DNAAF4: variants seen among roughly 807,000 people sequenced by gnomAD.
DNAAF4 encodes dynein axonemal assembly factor 4, also known as dynein assembly factor 4, axonemal.
DNAAF4 carries 43 observed loss-of-function variants against 51.8 expected under a neutral mutation model. That is an observed-to-expected ratio of 0.83 (90% CI 0.65 to 1.07). The LOEUF (loss-of-function observed/expected upper bound fraction) is 1.07. DNAAF4 is among the 50% of genes least tolerant of loss of function. The pLI, the probability that DNAAF4 is intolerant of heterozygous loss-of-function variation, is 0.00. For synonymous variants in DNAAF4, 194 were observed against 165.6 expected (o/e 1.17, Z -1.32); for missense variants, 581 against 493.0 (o/e 1.18, Z -1.69).
At chr15:55,494,067 T>A (rs963777598) in intron 3 of DNAAF4, among the ~76,000 whole-genome samples, 27 of 151,762 alleles carry the variant, frequency 1.8e-4, no homozygotes, top group Admixed American at 1.3e-4. Context: ...TTCGCTCTTG[T>A]TGCCCAGGCT....
In DNAAF4 at chr15:55,477,804, C is replaced by T. The variant is rs563818474; in HGVS notation, c.406-10643G>A. 3.0e-3 allele frequency among the ~76,000 whole-genome samples: 461 copies of T among 151,802 alleles called. 2 individuals are homozygous for T. Among genetic ancestry groups the T allele is most frequent in the Admixed American group, 0.01 (156 of 15,234 alleles). On this transcript the variant is annotated intron_variant, in intron 4 of 9. Transcript: ENST00000321149. ...TCCTAGCTGGGTGTGGCAGCTCACA[C>T]CTATAAATCCCAGCACTTCAGGAGG...
At chr15:55,449,940 C>A (rs1041679626) in intron 6 of DNAAF4, among the ~76,000 whole-genome samples, 6 of 151,834 alleles carry the variant, frequency 4.0e-5, no homozygotes, top group African/African-American at 4.8e-5. Flanking sequence ...CTCAAGTGAT[C>A]CACCCATCTC....
At chr15:55,496,589 A>C (rs1028640731) in intron 3 of DNAAF4, among the ~76,000 whole-genome samples, 4 of 152,210 alleles carry the variant, frequency 2.6e-5, no homozygotes, top group Admixed American at 2.0e-4. Context: ...ACGCAAAGTT[A>C]AGTACTCAAT....
chr15:55,423,677 G>T (rs937360908), intron 7 of DNAAF4, among the ~76,000 whole-genome samples: 9 of 152,202 alleles, frequency 5.9e-5, no homozygotes, highest in Non-Finnish European at 1.0e-4. Flanking sequence ...AGTAAAGCCA[G>T]CGCGGTGGCT....
At chr15:55,498,120 T>A (rs971555424) in intron 2 of DNAAF4, 87 bp downstream of exon 2, 2 of 1,596,956 alleles carry the variant, frequency 1.3e-6, no homozygotes, top group African/African-American at 2.7e-5. Context: ...TCGGCAAAGA[T>A]GAGCCTGTTG....
At chr15:55,460,936 T>C (rs2058086414) in intron 5 of DNAAF4, among the ~76,000 whole-genome samples, 1 of 151,932 alleles carries the variant, frequency 6.6e-6, no homozygotes, top group Non-Finnish European at 1.5e-5. Flanking sequence ...GCCTAATTTT[T>C]GTATTTTTAG....
At chr15:55,491,748 T>C (rs8027062) in intron 3 of DNAAF4, among the ~76,000 whole-genome samples, 2,172 of 141,678 alleles carry the variant, frequency 0.015, 65 homozygotes, top group African/African-American at 0.054. Context: ...TATAATATTA[T>C]ATTATAATAG....
intron 8 of DNAAF4, 115 bp from the exon 9 acceptor site, chr15:55,432,717 A>ACC: frequency 1.3e-6 from 1 of 787,296 alleles, no homozygotes; most frequent in South Asian, 2.2e-5. Context: ...AGGCCGAGGT[A>ACC]GGTGGATCAC....
chr15:55,483,821 C>A (rs2058445317), intron 4 of DNAAF4, among the ~76,000 whole-genome samples: 1 of 133,786 alleles, frequency 7.5e-6, no homozygotes, highest in African/African-American at 2.8e-5. Flanking sequence ...CCATCACACC[C>A]AGCCAATAAA....
rs182748233 is a variant in DNAAF4 at position 55,471,216 on chromosome 15, G to C, written c.406-4055C>G. 3.9e-5 allele frequency among the ~76,000 whole-genome samples: 6 copies of C among 152,236 alleles called. No homozygotes were observed. The East Asian group carries it at 1.2e-3, about 29-fold the overall frequency. On this transcript the variant is annotated intron_variant, in intron 4 of 9. Coordinates refer to ENST00000321149, the MANE Select transcript of DNAAF4 (RefSeq NM_130810.4). Reference sequence around the variant, plus strand: ...TATCAAAATGATGGGGAGGGGTGCTGCAAGTTCCAGACAACTAGTCATAGC... The same window carrying C: ...TATCAAAATGATGGGGAGGGGTGCTCCAAGTTCCAGACAACTAGTCATAGC...
intron 7 of DNAAF4, among the ~76,000 whole-genome samples, chr15:55,418,922 CTT>C (rs1555412315): frequency 1.7e-4 from 2 of 11,596 alleles, no homozygotes; most frequent in African/African-American, 3.4e-4. Context: ...CAATTTCACA[CTT>C]TTTTTTTTTT....
chr15:55,504,603 T>C (rs2058716853), intron 1 of DNAAF4, among the ~76,000 whole-genome samples: 1 of 152,134 alleles, frequency 6.6e-6, no homozygotes, highest in Admixed American at 6.6e-5. Context: ...AACAGAGGCC[T>C]CAGAAATAAC....
In DNAAF4 at chr15:55,439,483, C is replaced by A; in HGVS notation, c.882G>T (p.Lys294Asn). 6.2e-7 allele frequency: 1 copy of A among 1,613,544 alleles called. No individual in the cohort carries two copies. The change falls in exon 7 of 10, where the codon AAG becomes AAT. Residue 294 changes from lysine (K) to asparagine (N), a missense_variant. By Grantham distance (94) the Lys-to-Asn change is moderately conservative. Transcript: ENST00000321149. The stretch of plus-strand genomic sequence containing the variant: ...TTCAAACAACTTACTTTCCTTTATC[C>A]TTCAACCATTCTGGGTTCTTTTCTT... ...KEEEKNPEWL[K>N]DKGNKLFATE...
rs994310787 is a variant in DNAAF4, at chr15:55,450,274, G to C, written c.731C>G (p.Pro244Arg). 2 of 1,614,040 alleles carry C rather than the reference G, an allele frequency of 1.2e-6. No homozygotes were observed. Among genetic ancestry groups the C allele is most frequent in the Non-Finnish European group, 1.7e-6 (2 of 1,180,002 alleles). Residue 244 changes from proline (P) to arginine (R), a missense_variant, in exon 6 of 10, where the codon CCT becomes CGT. Transcript: ENST00000321149. ...SVGSIKINFT[P>R]RVFPTALRES... The stretch of plus-strand genomic sequence containing the variant: ...ACGAAGAGCTGTTGGGAATACTCGA[G>C]GGGTAAAGTTGATTTTAATACTGCC...
chr15:55,493,225 TAA>T (rs1209649142), intron 3 of DNAAF4, among the ~76,000 whole-genome samples: 1 of 152,134 alleles, frequency 6.6e-6, no homozygotes, highest in Non-Finnish European at 1.5e-5. Context: ...GTGTGAGAAA[TAA>T]AGTTCTGTTG....
At chr15:55,431,474 C>CTTTTTT (rs55839604) in intron 9 of DNAAF4, among the ~76,000 whole-genome samples, 1 of 134,914 alleles carries the variant, frequency 7.4e-6, no homozygotes, top group South Asian at 2.4e-4. Context: ...TATATTTTAT[C>CTTTTTT]TTTTTTTTTT....
intron 4 of DNAAF4, among the ~76,000 whole-genome samples, chr15:55,479,475 T>C (rs1286437282): frequency 2.0e-5 from 3 of 152,076 alleles, no homozygotes; most frequent in African/African-American, 7.2e-5. Context: ...ACAAACTGAT[T>C]GTAAAACATG....
chr15:55,439,453 C>A lies in DNAAF4; in HGVS notation c.893+19G>T, dbSNP rs767737350. ...CTTCATACATGATAAAGCTCATGATCAGAGTTCAAACAACTTACTTTCCTT... is the reference window on the plus strand; with the variant it reads ...CTTCATACATGATAAAGCTCATGATAAGAGTTCAAACAACTTACTTTCCTT... On this transcript the variant is annotated intron_variant, in intron 7 of 9. Coordinates refer to ENST00000321149, the MANE Select transcript of DNAAF4 (RefSeq NM_130810.4). 3 of 1,585,034 alleles carry A rather than the reference C, an allele frequency of 1.9e-6. No individual in the cohort carries two copies. Among genetic ancestry groups the A allele is most frequent in the African/African-American group, 1.3e-5 (1 of 74,286 alleles).
intron 9 of DNAAF4, 49 bp from the exon 10 acceptor site, chr15:55,430,828 A>T: frequency 7.1e-7 from 1 of 1,404,226 alleles, no homozygotes; most frequent in Non-Finnish European, 1.0e-6. Flanking sequence ...TTTTATTAGC[A>T]CTTCTTTTAT....
Sources: allele counts gnomAD v4.1 joint callset (sites outside exome capture counted in the v4.1 genomes callset), GRCh38; gene constraint gnomAD v4.1.1; transcripts MANE v1.5; gene names NCBI Gene and HGNC (gene_info 2026-07-23, HGNC 2026-07-21).